KCNH1: variants seen among roughly 807,000 people sequenced by gnomAD.
The protein encoded by KCNH1 is potassium voltage-gated channel subfamily H member 1, also known as voltage-gated delayed rectifier potassium channel KCNH1.
KCNH1 carries 27 observed loss-of-function variants against 69.2 expected under a neutral mutation model. The ratio of observed to expected loss-of-function variants is 0.39; its 90% confidence interval spans 0.29 to 0.54. KCNH1 has a LOEUF of 0.54. KCNH1 is among the 20% of genes least tolerant of loss of function. The pLI is 0.68. For missense variants in KCNH1, 798 were observed against 1,261.6 expected, an observed-to-expected ratio of 0.63 and a Z score of 5.57; for synonymous variants, 456 against 487.7, an observed-to-expected ratio of 0.93 and a Z score of 0.86.
At chr1:210,983,587 T>C (rs758951840) in intron 6 of KCNH1, among the ~76,000 whole-genome samples, 41 of 152,338 alleles carry the variant, frequency 2.7e-4, no homozygotes, top group African/African-American at 7.9e-4. Flanking sequence ...GTTGCAGACA[T>C]GCAGCATTAT....
At position 210,954,794 on chromosome 1, in the gene KCNH1, G is replaced by C. The variant is rs1038947890; in HGVS notation, c.1033-34725C>G. Among the ~76,000 whole-genome samples, 7 of 152,260 alleles carry C rather than the reference G, an allele frequency of 4.6e-5. No individual in the cohort carries two copies. In the South Asian group the frequency reaches 6.2e-4, roughly 14 times the overall value. On this transcript the variant is annotated intron_variant, in intron 6 of 10. Coordinates refer to ENST00000271751, the MANE Select transcript of KCNH1 (RefSeq NM_172362.3). ...TTGTTTAAGTTCTTTGTAGATTCTGGATATTAGCCCTTTGTCAGATGAGTA... is the reference window on the plus strand; with the variant it reads ...TTGTTTAAGTTCTTTGTAGATTCTGCATATTAGCCCTTTGTCAGATGAGTA...
At chr1:211,091,157 C>A (rs549488858) in intron 3 of KCNH1, among the ~76,000 whole-genome samples, 146 of 152,278 alleles carry the variant, frequency 9.6e-4, no homozygotes, top group Non-Finnish European at 1.6e-3. Flanking sequence ...AGGAATCCAC[C>A]AATTTGACTC....
Position 210,967,990 on chromosome 1 carries a change from T to C in KCNH1, c.1033-47921A>G, listed in dbSNP as rs189540912. On this transcript the variant is annotated intron_variant, in intron 6 of 10. Transcript: ENST00000271751. Reference sequence around the variant, plus strand: ...CACTAACTCGTCATCTAGCATTAGATATATCTCCCGATGCTATCCCCGCCC... The same window carrying C: ...CACTAACTCGTCATCTAGCATTAGACATATCTCCCGATGCTATCCCCGCCC... Among the ~76,000 whole-genome samples, 771 of 152,226 alleles carry C rather than the reference T, an allele frequency of 5.1e-3. 10 individuals are homozygous for C. The highest frequency in any genetic ancestry group is 0.018 in the African/African-American group (733 of 41,518).
intron 6 of KCNH1, among the ~76,000 whole-genome samples, chr1:210,975,586 T>G (rs142976635): frequency 6.6e-6 from 1 of 152,166 alleles, no homozygotes; most frequent in African/African-American, 2.4e-5. Context: ...TTACACCTTA[T>G]ACAACAATTA....
At chr1:210,770,740 C>T (rs890302648) in intron 10 of KCNH1, among the ~76,000 whole-genome samples, 51 of 152,192 alleles carry the variant, frequency 3.4e-4, no homozygotes, top group Non-Finnish European at 2.6e-4. Flanking sequence ...GCAAAGGCCA[C>T]TGGAGAAAGA....
chr1:210,931,982 TA>T (rs1179239918), intron 6 of KCNH1, among the ~76,000 whole-genome samples: 1 of 151,990 alleles, frequency 6.6e-6, no homozygotes, highest in Non-Finnish European at 1.5e-5. Context: ...GGGACACCAT[TA>T]AGTTAATAAA....
chr1:210,979,381 A>G (rs933145782), intron 6 of KCNH1, among the ~76,000 whole-genome samples: 2 of 152,242 alleles, frequency 1.3e-5, no homozygotes, highest in African/African-American at 4.8e-5. Flanking sequence ...AATTCTGTCC[A>G]GCTTTATAGT....
In KCNH1 at chr1:210,881,048, C is replaced by G. The variant is rs149587288; in HGVS notation, c.1462+38592G>C. 4.0e-3 allele frequency among the ~76,000 whole-genome samples: 604 copies of G among 150,244 alleles called. 6 individuals are homozygous for G. Among genetic ancestry groups the G allele is most frequent in the African/African-American group, 0.014 (578 of 40,796 alleles). On this transcript the variant is annotated intron_variant, in intron 7 of 10. Transcript: ENST00000271751. ...TTTTTTTTTTCTGGAAACAGAGTCT[C>G]ACTCTGTCACCCAGGCTGGAGTGCA...
intron 6 of KCNH1, among the ~76,000 whole-genome samples, chr1:210,941,265 C>T (rs6702809): frequency 0.71 from 107,975 of 152,080 alleles, 39,319 homozygotes; most frequent in African/African-American, 0.88. Context: ...ACACATTCCC[C>T]CCACAAACAT....
chr1:211,077,183 T>C (rs547168043), intron 5 of KCNH1, among the ~76,000 whole-genome samples: 21 of 152,136 alleles, frequency 1.4e-4, no homozygotes, highest in Admixed American at 3.9e-4. Context: ...TGGAAAACAC[T>C]CTGCAGGATA....
chr1:211,049,860 C>T (rs1017305081), intron 5 of KCNH1, among the ~76,000 whole-genome samples: 1 of 152,126 alleles, frequency 6.6e-6, no homozygotes, highest in Non-Finnish European at 1.5e-5. Flanking sequence ...TCGCCAGTAC[C>T]TGCAGCCTCA....
chr1:210,863,623 G>C (rs943580776), intron 7 of KCNH1, among the ~76,000 whole-genome samples: 5 of 152,178 alleles, frequency 3.3e-5, no homozygotes, highest in African/African-American at 1.2e-4. Flanking sequence ...TGCGAGATCT[G>C]AATGGTACCT....
At chr1:211,049,784 C>T in intron 5 of KCNH1, among the ~76,000 whole-genome samples, 1 of 152,098 alleles carries the variant, frequency 6.6e-6, no homozygotes, top group East Asian at 1.9e-4. Flanking sequence ...TCAACAAACT[C>T]CAAGTTTTCC....
chr1:210,990,095 T>C (rs1688911059), intron 6 of KCNH1, among the ~76,000 whole-genome samples: 1 of 152,218 alleles, frequency 6.6e-6, no homozygotes, highest in Non-Finnish European at 1.5e-5. Flanking sequence ...CCAATAAGCA[T>C]GATGGATTAC....
At chr1:211,034,004 C>G (rs922048021) in intron 5 of KCNH1, among the ~76,000 whole-genome samples, 4 of 151,930 alleles carry the variant, frequency 2.6e-5, no homozygotes, top group African/African-American at 9.7e-5. Flanking sequence ...TAAAATGGTG[C>G]GGGCACTCCA....
At chr1:210,772,396 G>A (rs914198894) in intron 10 of KCNH1, among the ~76,000 whole-genome samples, 2 of 152,120 alleles carry the variant, frequency 1.3e-5, no homozygotes, top group Non-Finnish European at 2.9e-5. Flanking sequence ...AAAATAGCTA[G>A]GAGAATAATT....
At chr1:210,946,205 T>C (rs927015277) in intron 6 of KCNH1, among the ~76,000 whole-genome samples, 5 of 152,232 alleles carry the variant, frequency 3.3e-5, no homozygotes, top group Non-Finnish European at 7.3e-5. Context: ...CCTGCTCATC[T>C]GGAGAATATT....
At chr1:210,934,701 A>G (rs1261612642) in intron 6 of KCNH1, among the ~76,000 whole-genome samples, 1 of 152,106 alleles carries the variant, frequency 6.6e-6, no homozygotes, top group Non-Finnish European at 1.5e-5. Context: ...ATCATTAATC[A>G]TTAAGGAAAT....
rs748448737 is a variant in KCNH1, at chr1:210,683,260, CT to C, written c.*20del. 78 of 1,577,972 alleles carry C rather than the reference CT, an allele frequency of 4.9e-5. No individual in the cohort carries two copies. Among genetic ancestry groups the C allele is most frequent in the Admixed American group, 1.7e-4 (10 of 58,244 alleles). On this transcript the variant is annotated 3_prime_UTR_variant, in exon 11 of 11. Coordinates refer to ENST00000271751, the MANE Select transcript of KCNH1 (RefSeq NM_172362.3). The surrounding 1 kb of genome is among the most constrained non-coding windows in gnomAD (Gnocchi z 5.7). The stretch of plus-strand genomic sequence containing the variant: ...CAGGGTTGGAGGTATCTGTCTCTGA[CT>C]TTTTTTTTAAATAGACCTCTCAGCT...
Sources: gnomAD v4.1 joint callset for allele counts (sites outside exome capture counted in the v4.1 genomes callset) on GRCh38, gnomAD v4.1.1 for gene constraint, Gnocchi (gnomAD v3.1) non-coding constraint, MANE v1.5 for transcripts, NCBI Gene and HGNC (gene_info 2026-07-23, HGNC 2026-07-21) for gene names.